The following LIPN variants were observed in gnomAD, a reference collection of about 807,000 sequenced individuals.
The protein encoded by LIPN is lipase family member N, also known as lipase member N.
A neutral mutation model predicts 43.7 loss-of-function variants in LIPN; 32 were observed. The ratio of observed to expected loss-of-function variants is 0.73; its 90% confidence interval spans 0.55 to 0.98. The LOEUF is 0.98. LIPN is among the 50% of genes least tolerant of loss of function. The pLI is 0.00. For synonymous variants in LIPN, 156 were observed against 157.6 expected (o/e 0.99, Z 0.08); for missense variants, 505 against 483.8 (o/e 1.04, Z -0.41).
chr10:88,771,111 G>T, intron 7 of LIPN, 120 bp downstream of exon 7: 3 of 845,364 alleles, frequency 3.5e-6, no homozygotes, highest in Admixed American at 3.2e-5. Context: ...CTTAAAGACA[G>T]ATTTTTTTTT....
chr10:88,768,687 T>C (rs931952741), intron 5 of LIPN, 105 bp from the exon 6 acceptor site: 4 of 831,400 alleles, frequency 4.8e-6, no homozygotes, highest in Non-Finnish European at 7.5e-6. Context: ...ATCCCCAGTA[T>C]GATCACGATA....
At chr10:88,764,024 T>C (rs1276469434) in intron 3 of LIPN, among the ~76,000 whole-genome samples, 1 of 151,962 alleles carries the variant, frequency 6.6e-6, no homozygotes, top group Admixed American at 6.6e-5. Flanking sequence ...TGGGTTTGAG[T>C]CCCTGCTCTG....
chr10:88,777,249 T>C (rs1298294581), intron 9 of LIPN, among the ~76,000 whole-genome samples: 3 of 152,118 alleles, frequency 2.0e-5, no homozygotes, highest in Non-Finnish European at 4.4e-5. Flanking sequence ...TCCTTCTGTT[T>C]GTGATTGTTC....
upstream of LIPN, among the ~76,000 whole-genome samples, chr10:88,759,484 T>C (rs1248018637): frequency 2.6e-5 from 4 of 152,140 alleles, no homozygotes; most frequent in East Asian, 5.8e-4. Context: ...CAAAGGTTAC[T>C]GTGCCAAAGT....
intron 9 of LIPN, among the ~76,000 whole-genome samples, chr10:88,775,463 C>T (rs934015294): frequency 2.6e-5 from 4 of 151,894 alleles, no homozygotes; most frequent in African/African-American, 9.7e-5. Context: ...AACTTTTAAT[C>T]TTTCTATTTT....
chr10:88,768,706 A>G lies in LIPN; in HGVS notation c.536-86A>G, dbSNP rs909054248. On this transcript the variant is annotated intron_variant, in intron 5 of 9. Transcript: ENST00000404459. ...CCAGTATGATCACGATAGAAGGAAA[A>G]AATGACTAAGCAGAGCCCCAATTTT... The G allele has an allele frequency of 7.9e-6, 9 of 1,139,244 alleles. No individual in the cohort carries two copies. In the Admixed American group the frequency reaches 2.1e-4, roughly 26 times the overall value. The allele number at this position is 1,139,244 out of a possible 1,614,324, so 70.6% of individuals were successfully genotyped here.
intron 9 of LIPN, 122 bp from the exon 10 acceptor site, chr10:88,777,887 T>C (rs544142300): frequency 1.7e-6 from 1 of 602,070 alleles, no homozygotes; most frequent in Admixed American, 2.9e-5. Flanking sequence ...ATTGTATGTT[T>C]TCTTCATATG....
chr10:88,778,358 G>T lies in LIPN; in HGVS notation c.*116G>T. On this transcript the variant is annotated 3_prime_UTR_variant, in exon 10 of 10. Coordinates refer to ENST00000404459, the MANE Select transcript of LIPN (RefSeq NM_001102469.2). ...AGCACCCTGGGGGAGATGCACAGTG[G>T]AGTCTGTTTTCCAAGTCAATTGTGT... 4.4e-6 allele frequency: 3 copies of T among 677,476 alleles called. No homozygotes were observed. The highest frequency in any genetic ancestry group is 7.5e-6 in the Non-Finnish European group (3 of 400,188). 42.0% of individuals were successfully genotyped at this position (677,476 alleles called of 1,614,324 possible).
chr10:88,761,449 C>T lies in LIPN; in HGVS notation c.44C>T (p.Thr15Ile), dbSNP rs970272584. ...ACAACAACTTGTTTGATCTGTGGAA[C>T]TTTAAATGCTGGTGGATTCCTTGAT... ...LLTTTCLICG[T>I]LNAGGFLDLE... is the part of the protein sequence containing the mutation. The change falls in exon 2 of 10, where the codon ACT (threonine) becomes ATT (isoleucine). Residue 15 changes from threonine to isoleucine, a missense_variant. By Grantham distance (89) the Thr-to-Ile change is moderately conservative. Transcript: ENST00000404459. The T allele has an allele frequency of 6.2e-7, 1 of 1,612,346 alleles. No homozygotes were observed. Among genetic ancestry groups the T allele is most frequent in the Non-Finnish European group, 8.5e-7 (1 of 1,178,982 alleles).
intron 9 of LIPN, among the ~76,000 whole-genome samples, chr10:88,775,684 T>C (rs1843286369): frequency 6.6e-6 from 1 of 152,070 alleles, no homozygotes; most frequent in South Asian, 2.1e-4. Flanking sequence ...TCTTTCTCCA[T>C]ATAGCTTTAT....
At chr10:88,766,908 G>A (rs1843111230) in intron 5 of LIPN, among the ~76,000 whole-genome samples, 1 of 151,966 alleles carries the variant, frequency 6.6e-6, no homozygotes, top group Admixed American at 6.6e-5. Context: ...TATCTATTCA[G>A]TGTGTGATTT....
chr10:88,759,770 A>T (rs1564577436), upstream of LIPN, among the ~76,000 whole-genome samples: 1 of 152,070 alleles, frequency 6.6e-6, no homozygotes, highest in African/African-American at 2.4e-5. Context: ...TCCCTGTTTG[A>T]CACACTGGTT....
At chr10:88,768,673 A>G (rs992981442) in intron 5 of LIPN, 119 bp from the exon 6 acceptor site, 3 of 716,970 alleles carry the variant, frequency 4.2e-6, no homozygotes, top group Middle Eastern at 4.8e-4. Flanking sequence ...AAGACTTCCA[A>G]TTCATCCCCA....
At chr10:88,762,143 A>G (rs753791576) in intron 2 of LIPN, 45 bp from the exon 3 acceptor site, 3 of 982,976 alleles carry the variant, frequency 3.1e-6, no homozygotes, top group Middle Eastern at 2.1e-4. Context: ...TCCTTTTTAT[A>G]TCCTTTGGAG....
chr10:88,770,398 A>G (rs528614648), intron 6 of LIPN, among the ~76,000 whole-genome samples: 1 of 151,968 alleles, frequency 6.6e-6, no homozygotes, highest in East Asian at 1.9e-4. Context: ...GACCTTAAGA[A>G]AAACTGTTCT....
At chr10:88,774,248 T>G (rs1293851533) in intron 7 of LIPN, among the ~76,000 whole-genome samples, 1 of 152,060 alleles carries the variant, frequency 6.6e-6, no homozygotes, top group Non-Finnish European at 1.5e-5. Flanking sequence ...TCCTACAGAT[T>G]CAGAGCTGGT....
chr10:88,769,960 TA>T (rs1193534405), intron 6 of LIPN, among the ~76,000 whole-genome samples: 1 of 151,924 alleles, frequency 6.6e-6, no homozygotes, highest in Non-Finnish European at 1.5e-5. Flanking sequence ...TTTGTTAAAT[TA>T]AATTCAGAGA....
At chr10:88,761,759 CTATGTATCTATCTATCTATT>C (rs1190200264) in intron 2 of LIPN, among the ~76,000 whole-genome samples, 3 of 87,078 alleles carry the variant, frequency 3.4e-5, no homozygotes, top group East Asian at 4.3e-4. Context: ...ATCTATCTAT[CTATGTATCTATCTATCTATT>C]TATCTATCTA....
intron 5 of LIPN, among the ~76,000 whole-genome samples, chr10:88,767,750 G>A (rs1357022817): frequency 1.5e-5 from 2 of 135,528 alleles, no homozygotes; most frequent in African/African-American, 5.5e-5. Flanking sequence ...AATATTTTTA[G>A]TGACTGTTGT....
Sources: allele counts gnomAD v4.1 joint callset (sites outside exome capture counted in the v4.1 genomes callset), GRCh38; gene constraint gnomAD v4.1.1; transcripts MANE v1.5; gene names NCBI Gene and HGNC (gene_info 2026-07-23, HGNC 2026-07-21).